The following LRRC7 variants were observed in gnomAD, a reference collection of about 807,000 sequenced individuals.
LRRC7 encodes leucine rich repeat containing 7.
A neutral mutation model predicts 175.7 loss-of-function variants in LRRC7; 23 were observed. The ratio of observed to expected loss-of-function variants is 0.13; its 90% confidence interval spans 0.09 to 0.19. LRRC7 has a LOEUF of 0.19. Among genes scored for constraint, LRRC7 ranks in the 10% least tolerant of loss-of-function variants. The pLI, the probability that LRRC7 is intolerant of heterozygous loss-of-function variation, is 1.00. For synonymous variants in LRRC7, 685 were observed against 680.9 expected, an observed-to-expected ratio of 1.01 and a Z score of -0.09; for missense variants, 1,354 against 1,904.7, an observed-to-expected ratio of 0.71 and a Z score of 5.38.
At chr1:69,674,502 A>C (rs1019388866) in intron 1 of LRRC7, among the ~76,000 whole-genome samples, 7 of 152,196 alleles carry the variant, frequency 4.6e-5, no homozygotes, top group Non-Finnish European at 7.3e-5. Flanking sequence ...TAAATATATT[A>C]CAAAATATTT....
intron 1 of LRRC7, among the ~76,000 whole-genome samples, chr1:69,650,337 G>A (rs146275526): frequency 0.021 from 3,198 of 151,768 alleles, 106 homozygotes; most frequent in African/African-American, 0.072. Context: ...TCAGGAGATC[G>A]AGACCATCGT....
At chr1:69,744,130 T>G (rs943548071) in intron 2 of LRRC7, among the ~76,000 whole-genome samples, 2 of 151,784 alleles carry the variant, frequency 1.3e-5, no homozygotes, top group African/African-American at 4.8e-5. Context: ...GAAAATATAT[T>G]TTTAAAATAT....
chr1:69,816,806 C>T (rs1330862027), intron 4 of LRRC7, among the ~76,000 whole-genome samples: 2 of 151,990 alleles, frequency 1.3e-5, no homozygotes, highest in Non-Finnish European at 2.9e-5. Flanking sequence ...CCTCATTACC[C>T]GCACTCCCCA....
At chr1:70,044,116 T>G (rs1558021364) in intron 22 of LRRC7, 22 bp downstream of exon 22, 2 of 1,606,614 alleles carry the variant, frequency 1.2e-6, no homozygotes, top group Non-Finnish European at 1.7e-6. Flanking sequence ...CTGCCCTACA[T>G]GTGTCAGCAT....
At chr1:70,056,783 AG>A (rs1285648867) in intron 23 of LRRC7, among the ~76,000 whole-genome samples, 1 of 152,228 alleles carries the variant, frequency 6.6e-6, no homozygotes, top group Non-Finnish European at 1.5e-5. Context: ...TAGAGTAGAC[AG>A]GGCTCTCAAT....
At position 69,990,267 on chromosome 1, in the gene LRRC7, C is replaced by A. The variant is rs1349530793; in HGVS notation, c.931+3881C>A. ...TTGGTAGAAATTAAGAAAGAAATCT[C>A]TTCAGTATTTCTTAGTTGGGAGTAT... On this transcript the variant is annotated intron_variant, in intron 10 of 26. Transcript: ENST00000651989. Among the ~76,000 whole-genome samples the A allele has an allele frequency of 2.6e-5, 4 of 151,876 alleles. No homozygotes were observed. The East Asian group carries it at 5.8e-4, about 22-fold the overall frequency.
At chr1:69,728,062 T>G (rs890188721) in intron 2 of LRRC7, among the ~76,000 whole-genome samples, 1 of 152,204 alleles carries the variant, frequency 6.6e-6, no homozygotes, top group Non-Finnish European at 1.5e-5. Flanking sequence ...AGATGTGTAT[T>G]TACTGGCAGT....
At chr1:69,909,215 C>T (rs954047419) in intron 7 of LRRC7, among the ~76,000 whole-genome samples, 2 of 152,104 alleles carry the variant, frequency 1.3e-5, no homozygotes, top group Non-Finnish European at 2.9e-5. Context: ...GGTCTTGACT[C>T]TTTATCCAAT....
At chr1:69,972,244 A>C (rs1199217074) in intron 8 of LRRC7, among the ~76,000 whole-genome samples, 1 of 152,244 alleles carries the variant, frequency 6.6e-6, no homozygotes, top group Non-Finnish European at 1.5e-5. Context: ...ACCCAAAAGC[A>C]AATGCAATAA....
intron 11 of LRRC7, among the ~76,000 whole-genome samples, chr1:69,999,367 T>G (rs577507050): frequency 6.6e-6 from 1 of 152,294 alleles, no homozygotes; most frequent in South Asian, 2.1e-4. Context: ...GGAAGCTTCT[T>G]ATTGAAAGCT....
intron 5 of LRRC7, among the ~76,000 whole-genome samples, chr1:69,829,564 T>A (rs1045267783): frequency 1.3e-5 from 2 of 151,856 alleles, no homozygotes; most frequent in Admixed American, 6.6e-5. Context: ...ATCTCATTTG[T>A]TCTATGTAAC....
At chr1:69,890,061 A>G (rs1216566915) in intron 7 of LRRC7, among the ~76,000 whole-genome samples, 1 of 152,226 alleles carries the variant, frequency 6.6e-6, no homozygotes, top group Non-Finnish European at 1.5e-5. Flanking sequence ...AATTTCTTCC[A>G]AACTTATGTT....
At chr1:70,048,271 G>A (rs1044194869) in intron 22 of LRRC7, among the ~76,000 whole-genome samples, 2 of 151,968 alleles carry the variant, frequency 1.3e-5, no homozygotes, top group Non-Finnish European at 2.9e-5. Context: ...CTATGTACCT[G>A]GTGCTATGAG....
chr1:69,922,358 C>T (rs1646916669), intron 7 of LRRC7, among the ~76,000 whole-genome samples: 1 of 130,606 alleles, frequency 7.7e-6, no homozygotes, highest in Admixed American at 8.0e-5. Flanking sequence ...TCAGTAAAGC[C>T]TTCTATTTTC....
intron 7 of LRRC7, chr1:69,919,495 A>C (rs1646816335): frequency 1.1e-6 from 1 of 894,416 alleles, no homozygotes; most frequent in Non-Finnish European, 1.8e-6. Flanking sequence ...TGGCGGCAAA[A>C]TCTGGCAGGG....
At chr1:69,590,471 A>G (rs1295239692) in intron 1 of LRRC7, among the ~76,000 whole-genome samples, 2 of 152,160 alleles carry the variant, frequency 1.3e-5, no homozygotes. Context: ...TAATAATATC[A>G]ACAATAAATG....
intron 1 of LRRC7, among the ~76,000 whole-genome samples, chr1:69,600,783 C>T (rs1371661488): frequency 4.3e-5 from 6 of 140,056 alleles, no homozygotes; most frequent in African/African-American, 1.6e-4. Context: ...AGCCATTTCT[C>T]CAAGGATCTC....
intron 7 of LRRC7, among the ~76,000 whole-genome samples, chr1:69,844,918 T>G (rs572985107): frequency 1.3e-5 from 2 of 152,232 alleles, no homozygotes; most frequent in South Asian, 4.1e-4. Flanking sequence ...ATTAACTGTA[T>G]GAAATATTTG....
intron 8 of LRRC7, among the ~76,000 whole-genome samples, chr1:69,976,446 C>A (rs1557948852): frequency 6.6e-6 from 1 of 152,304 alleles, no homozygotes; most frequent in South Asian, 2.1e-4. Context: ...TCTGCCCTCC[C>A]CAGCCCACTG....
Sources: gnomAD v4.1 joint callset for allele counts (sites outside exome capture counted in the v4.1 genomes callset) on GRCh38, gnomAD v4.1.1 for gene constraint, MANE v1.5 for transcripts, NCBI Gene and HGNC (gene_info 2026-07-23, HGNC 2026-07-21) for gene names.